CA10: variants seen among roughly 807,000 people sequenced by gnomAD.
CA10 encodes the protein carbonic anhydrase-related protein 10.
CA10 carries 14 observed loss-of-function variants against 44.2 expected under a neutral mutation model. The observed-to-expected ratio is 0.32, with a 90% confidence interval of 0.21 to 0.50. CA10 has a LOEUF of 0.50. Among genes scored for constraint, CA10 ranks in the 20% least tolerant of loss-of-function variants. The pLI is 0.99. For synonymous variants in CA10, 159 were observed against 141.6 expected, an observed-to-expected ratio of 1.12 and a Z score of -0.87; for missense variants, 350 against 409.7, an observed-to-expected ratio of 0.85 and a Z score of 1.26.
At chr17:52,054,241 G>A (rs1381732639) in intron 2 of CA10, among the ~76,000 whole-genome samples, 2 of 152,114 alleles carry the variant, frequency 1.3e-5, no homozygotes, top group Non-Finnish European at 2.9e-5. Flanking sequence ...GGAGGCCTCT[G>A]AAATGGCCAC....
At chr17:51,914,770 A>G (rs549127594) in intron 3 of CA10, among the ~76,000 whole-genome samples, 1 of 152,268 alleles carries the variant, frequency 6.6e-6, no homozygotes, top group South Asian at 2.1e-4. Flanking sequence ...TGTTCTGTAA[A>G]GGAAACCAGT....
chr17:52,114,133 C>T (rs184407936), intron 1 of CA10, among the ~76,000 whole-genome samples: 3 of 152,326 alleles, frequency 2.0e-5, no homozygotes, highest in Non-Finnish European at 4.4e-5. Context: ...ACAAGTGAGT[C>T]TCCTGAATGA....
chr17:51,751,739 G>A (rs1017858004), intron 3 of CA10, among the ~76,000 whole-genome samples: 3 of 152,172 alleles, frequency 2.0e-5, no homozygotes, highest in Non-Finnish European at 2.9e-5. Flanking sequence ...TAGACATGAG[G>A]AGAATGCAAG....
At chr17:51,730,792 A>T (rs150701709) in intron 4 of CA10, among the ~76,000 whole-genome samples, 9 of 152,328 alleles carry the variant, frequency 5.9e-5, no homozygotes, top group African/African-American at 2.2e-4. Flanking sequence ...TTTTCAAAAC[A>T]TTAATAATGG....
chr17:52,137,923 G>C (rs894373304), intron 1 of CA10, among the ~76,000 whole-genome samples: 4 of 152,018 alleles, frequency 2.6e-5, no homozygotes, highest in Non-Finnish European at 5.9e-5. Flanking sequence ...ATGCTCCCTG[G>C]ACTGTCATCA....
intron 3 of CA10, among the ~76,000 whole-genome samples, chr17:51,861,938 A>G (rs551682396): frequency 6.6e-6 from 1 of 152,344 alleles, no homozygotes; most frequent in African/African-American, 2.4e-5. Context: ...GGATTCTGTA[A>G]GGCTAGAAAG....
chr17:51,767,060 C>T (rs1031841762), intron 3 of CA10, among the ~76,000 whole-genome samples: 13 of 152,208 alleles, frequency 8.5e-5, no homozygotes, highest in South Asian at 8.3e-4. Context: ...TGGCCATTGA[C>T]TAAATCCAAC....
intron 2 of CA10, among the ~76,000 whole-genome samples, chr17:52,044,954 T>C (rs1986870965): frequency 6.6e-6 from 1 of 151,620 alleles, no homozygotes; most frequent in Non-Finnish European, 1.5e-5. Flanking sequence ...TGAAGACCTA[T>C]AAATCCAAGA....
chr17:52,098,903 G>C (rs909430507), intron 1 of CA10, among the ~76,000 whole-genome samples: 1 of 152,164 alleles, frequency 6.6e-6, no homozygotes, highest in African/African-American at 2.4e-5. Context: ...GTGAGCATTC[G>C]TACCTGGTGG....
At chr17:51,883,087 G>T (rs1980447791) in intron 3 of CA10, among the ~76,000 whole-genome samples, 1 of 152,176 alleles carries the variant, frequency 6.6e-6, no homozygotes, top group Non-Finnish European at 1.5e-5. Flanking sequence ...GAAGTAATGG[G>T]AGTGAAACTA....
At chr17:51,912,961 C>T (rs1981849003) in intron 3 of CA10, among the ~76,000 whole-genome samples, 1 of 152,166 alleles carries the variant, frequency 6.6e-6, no homozygotes, top group Non-Finnish European at 1.5e-5. Flanking sequence ...CTTGTCTGTG[C>T]TAAGAATCTA....
intron 2 of CA10, among the ~76,000 whole-genome samples, chr17:51,994,122 A>G (rs763760356): frequency 1.2e-4 from 18 of 152,084 alleles, no homozygotes; most frequent in African/African-American, 4.3e-4. Context: ...GGTGAATCTT[A>G]AAGAGTGAAT....
intron 4 of CA10, among the ~76,000 whole-genome samples, chr17:51,706,748 A>G (rs1005376907): frequency 6.6e-6 from 1 of 151,868 alleles, no homozygotes; most frequent in African/African-American, 2.4e-5. Context: ...GATCCTATGC[A>G]CTCTCTCCTA....
chr17:52,131,044 G>A (rs1989227161), intron 1 of CA10, among the ~76,000 whole-genome samples: 1 of 151,510 alleles, frequency 6.6e-6, no homozygotes, highest in South Asian at 2.1e-4. Context: ...ATCCCACAAT[G>A]TATACATAAA....
chr17:51,753,680 T>C (rs117955200), intron 3 of CA10, among the ~76,000 whole-genome samples: 3,522 of 152,240 alleles, frequency 0.023, 78 homozygotes, highest in Non-Finnish European at 0.027. Context: ...GCTAAACCCA[T>C]ATGTGGAGGG....
At chr17:51,884,014 A>G (rs1980488061) in intron 3 of CA10, among the ~76,000 whole-genome samples, 1 of 152,180 alleles carries the variant, frequency 6.6e-6, no homozygotes, top group Non-Finnish European at 1.5e-5. Context: ...TTCATGCTCA[A>G]GAGAAACCCT....
At chr17:51,816,108 T>G (rs1264704107) in intron 3 of CA10, among the ~76,000 whole-genome samples, 1 of 152,150 alleles carries the variant, frequency 6.6e-6, no homozygotes, top group African/African-American at 2.4e-5. Flanking sequence ...GTAATCACTC[T>G]TTTACTCTCT....
chr17:51,743,700 G>A (rs374491167), intron 4 of CA10, among the ~76,000 whole-genome samples: 3 of 152,158 alleles, frequency 2.0e-5, no homozygotes, highest in Admixed American at 1.3e-4. Flanking sequence ...GACTTATCAC[G>A]ATCAGCAGTG....
At chr17:51,903,776 G>C (rs562334984) in intron 3 of CA10, among the ~76,000 whole-genome samples, 1 of 152,238 alleles carries the variant, frequency 6.6e-6, no homozygotes, top group Non-Finnish European at 1.5e-5. Flanking sequence ...AACAAGAGAA[G>C]AGAGCTCCAA....
Sources: gnomAD v4.1 joint callset for allele counts (sites outside exome capture counted in the v4.1 genomes callset) on GRCh38, gnomAD v4.1.1 for gene constraint, MANE v1.5 for transcripts, NCBI Gene and HGNC (gene_info 2026-07-23, HGNC 2026-07-21) for gene names.